AMMECR1: variants seen among roughly 807,000 people sequenced by gnomAD.
AMMECR1 encodes AMMECR nuclear protein 1, also known as nuclear protein AMMECR1.
A neutral mutation model predicts 22.5 loss-of-function variants in AMMECR1; 3 were observed. The observed-to-expected ratio is 0.13, with a 90% confidence interval of 0.06 to 0.35. AMMECR1 has a LOEUF of 0.35. Ranked by LOEUF, AMMECR1 falls within the 10% of genes least tolerant of loss-of-function variation. The pLI is 1.00. For synonymous variants in AMMECR1, 130 were observed against 116.7 expected, an observed-to-expected ratio of 1.11 and a Z score of -0.74; for missense variants, 235 against 278.7, an observed-to-expected ratio of 0.84 and a Z score of 1.12.
intron 1 of AMMECR1, among the ~76,000 whole-genome samples, chrX:110,432,444 C>T (rs772134620): frequency 4.1e-4 from 46 of 112,034 alleles, no homozygotes; most frequent in South Asian, 3.8e-3. Flanking sequence ...TTGATAGCTT[C>T]GAGAGAAGAG....
At chrX:110,366,940 T>C (rs953008249) in intron 2 of AMMECR1, among the ~76,000 whole-genome samples, 2 of 111,650 alleles carry the variant, frequency 1.8e-5, no homozygotes, top group Non-Finnish European at 3.8e-5. Flanking sequence ...CACTTGTTTC[T>C]ACATTTTCCC....
At chrX:110,408,939 G>A (rs1451843244) in intron 2 of AMMECR1, among the ~76,000 whole-genome samples, 1 of 111,919 alleles carries the variant, frequency 8.9e-6, no homozygotes, top group Non-Finnish European at 1.9e-5. Context: ...TTTAATTTCA[G>A]GATAGTAAAG....
chrX:110,402,627 A>G lies in AMMECR1; in HGVS notation c.-148+24031T>C, dbSNP rs983304302. ...TTGGAATCACCAAGGTTGGGAAGCCAGGCCTCAGAGGGAGTGGCTGGAGGC... is the reference window on the plus strand; with the variant it reads ...TTGGAATCACCAAGGTTGGGAAGCCGGGCCTCAGAGGGAGTGGCTGGAGGC... On this transcript the variant is annotated intron_variant, in intron 2 of 7. Coordinates refer to the AMMECR1 transcript ENST00000372057. Among the ~76,000 whole-genome samples, 3 of 112,728 alleles carry G rather than the reference A, an allele frequency of 2.7e-5. No homozygotes were observed. In the South Asian group the frequency reaches 1.1e-3, roughly 41 times the overall value.
rs199514073 is a variant in AMMECR1, at chrX:110,317,779, G to C, written c.293C>G (p.Ser98Cys). 2.6e-5 allele frequency: 30 copies of C among 1,173,000 alleles called. No homozygotes were observed. The highest frequency in any genetic ancestry group is 3.4e-5 in the Non-Finnish European group (30 of 876,338). ...PPSCGVGTLL[S>C]TPAAATSSSP... is the part of the protein sequence containing the mutation. ...GGAAGAGGTGGCGGCGGCCGGGGTA[G>C]AAAGTAGGGTCCCCACTCCGCAGCT... The change falls in exon 1 of 6, where the codon TCT becomes TGT. Residue 98 changes from serine to cysteine, a missense_variant. Physicochemically the swap from Ser to Cys is moderately radical, Grantham distance 112. This residue lies in a region of AMMECR1 where 124 missense variants were observed against 97.0 expected (regional missense o/e 1.28). Coordinates refer to ENST00000262844, the MANE Select transcript of AMMECR1 (RefSeq NM_015365.3).
At chrX:110,246,634 A>T (rs1041018715) in intron 2 of AMMECR1, among the ~76,000 whole-genome samples, 3 of 112,279 alleles carry the variant, frequency 2.7e-5, no homozygotes, top group African/African-American at 9.7e-5. Context: ...CTACCAATCT[A>T]AGTAGGAAAG....
chrX:110,350,542 A>G (rs1236551820), intron 2 of AMMECR1, among the ~76,000 whole-genome samples: 1 of 112,391 alleles, frequency 8.9e-6, no homozygotes, highest in Non-Finnish European at 1.9e-5. Flanking sequence ...TCTTATACAT[A>G]GAAAACCCTA....
chrX:110,201,274 A>G (rs1179050653), intron 4 of AMMECR1, among the ~76,000 whole-genome samples: 1 of 111,898 alleles, frequency 8.9e-6, no homozygotes, highest in East Asian at 2.8e-4. Flanking sequence ...GCCAAACAAC[A>G]CTGGCTCCTT....
chrX:110,278,093 C>T (rs1350595506), intron 1 of AMMECR1, among the ~76,000 whole-genome samples: 1 of 111,593 alleles, frequency 9.0e-6, no homozygotes, highest in Non-Finnish European at 1.9e-5. Context: ...CTAGAAAACA[C>T]TAAATTTATC....
At chrX:110,342,351 A>G (rs1307798629) in intron 2 of AMMECR1, among the ~76,000 whole-genome samples, 1 of 111,237 alleles carries the variant, frequency 9.0e-6, no homozygotes, top group Non-Finnish European at 1.9e-5. Context: ...ACCATTAAAA[A>G]AGTGGGCATA....
intron 2 of AMMECR1, among the ~76,000 whole-genome samples, chrX:110,405,005 A>G (rs2068588941): frequency 9.1e-6 from 1 of 110,382 alleles, no homozygotes; most frequent in African/African-American, 3.3e-5. Context: ...TTTGGGGTGG[A>G]AACTATACAT....
intron 1 of AMMECR1, among the ~76,000 whole-genome samples, chrX:110,289,519 T>C (rs2067897395): frequency 8.9e-6 from 1 of 112,160 alleles, no homozygotes; most frequent in Non-Finnish European, 1.9e-5. Context: ...TTACTTACAT[T>C]ATGTCCCAGT....
At chrX:110,431,262 A>C (rs762222730) in intron 1 of AMMECR1, among the ~76,000 whole-genome samples, 2 of 110,415 alleles carry the variant, frequency 1.8e-5, no homozygotes, top group Non-Finnish European at 3.8e-5. Flanking sequence ...GTTTGCAGTG[A>C]TCATGGGGAC....
intron 2 of AMMECR1, among the ~76,000 whole-genome samples, chrX:110,351,368 G>C (rs2068210600): frequency 8.9e-6 from 1 of 112,234 alleles, no homozygotes; most frequent in Non-Finnish European, 1.9e-5. Flanking sequence ...ACAACAATCA[G>C]TATGGTACTG....
intron 2 of AMMECR1, among the ~76,000 whole-genome samples, chrX:110,229,714 C>T (rs1466736022): frequency 8.9e-6 from 1 of 112,006 alleles, no homozygotes; most frequent in South Asian, 3.7e-4. Flanking sequence ...TTGACTCACC[C>T]GGGAAGCGCA....
intron 2 of AMMECR1, among the ~76,000 whole-genome samples, chrX:110,425,830 T>C (rs771154015): frequency 2.7e-5 from 3 of 112,829 alleles, no homozygotes; most frequent in Non-Finnish European, 5.6e-5. Flanking sequence ...TTAATTCCTA[T>C]ATTTAATGAA....
At chrX:110,198,684 A>G in intron 5 of AMMECR1, 50 bp from the exon 6 acceptor site, 1 of 899,165 alleles carries the variant, frequency 1.1e-6, no homozygotes, top group Non-Finnish European at 1.6e-6. Context: ...AGTAGGTGAC[A>G]TGCCATTGTC....
intron 2 of AMMECR1, among the ~76,000 whole-genome samples, chrX:110,257,108 A>G (rs2067714728): frequency 8.9e-6 from 1 of 112,104 alleles, no homozygotes; most frequent in Admixed American, 9.5e-5. Flanking sequence ...CAAAAGAAAT[A>G]TATTTTTAAT....
At chrX:110,355,209 G>A (rs1288158951) in intron 2 of AMMECR1, among the ~76,000 whole-genome samples, 1 of 111,413 alleles carries the variant, frequency 9.0e-6, no homozygotes, top group Non-Finnish European at 1.9e-5. Context: ...ACCAGCTTGG[G>A]CAATGAAGCA....
At chrX:110,252,409 G>A (rs143458838) in intron 2 of AMMECR1, among the ~76,000 whole-genome samples, 1,136 of 110,996 alleles carry the variant, frequency 0.01, 10 homozygotes, top group Non-Finnish European at 0.015. Flanking sequence ...ATAGTGAGAC[G>A]CTGTTCCCCA....
Sources: allele counts gnomAD v4.1 joint callset (sites outside exome capture counted in the v4.1 genomes callset), GRCh38; gene constraint gnomAD v4.1.1; regional missense constraint gnomAD v4.1.1; transcripts MANE v1.5; gene names NCBI Gene and HGNC (gene_info 2026-07-23, HGNC 2026-07-21).